Variants in PPP1R13B observed in about 807,000 individuals in gnomAD.
PPP1R13B encodes apoptosis-stimulating of p53 protein 1.
In PPP1R13B, 44 loss-of-function variants were observed where a neutral mutation model predicts 119.8. The ratio of observed to expected loss-of-function variants is 0.37; its 90% CI spans 0.29 to 0.47. PPP1R13B has a LOEUF of 0.47. PPP1R13B is among the 20% of genes least tolerant of loss of function. The pLI is 0.99. For synonymous variants in PPP1R13B, 542 were observed against 561.5 expected, an observed-to-expected ratio of 0.97 and a Z score of 0.49; for missense variants, 1,227 against 1,413.5, an observed-to-expected ratio of 0.87 and a Z score of 2.12.
intron 1 of PPP1R13B, among the ~76,000 whole-genome samples, chr14:103,822,180 G>A (rs1468269316): frequency 6.6e-6 from 1 of 151,948 alleles, no homozygotes; most frequent in Non-Finnish European, 1.5e-5. Flanking sequence ...TGTCGCCCAG[G>A]CTGGGGTGCA....
rs779435504 is a variant in PPP1R13B at position 103,736,062 on chromosome 14, C to G, written c.3172G>C (p.Glu1058Gln). The change falls in exon 16 of 17, where the codon GAG becomes CAG. Residue 1058 changes from glutamate to glutamine, a missense_variant. Physicochemically the swap from Glu to Gln is conservative, Grantham distance 29 (BLOSUM62 2). Coordinates refer to ENST00000202556, the MANE Select transcript of PPP1R13B (RefSeq NM_015316.3). ...ILRRKDESET[E>Q]WWWARLGDRE... ...TCTCCAAGGCGAGCCCACCACCACTCAGTCTCGCTTTCGTCCTTGCGCCTC... is the reference window on the plus strand; with the variant it reads ...TCTCCAAGGCGAGCCCACCACCACTGAGTCTCGCTTTCGTCCTTGCGCCTC... 3 of 1,614,252 alleles carry G rather than the reference C, an allele frequency of 1.9e-6. No individual in the cohort carries two copies. Among genetic ancestry groups the G allele is most frequent in the Non-Finnish European group, 2.5e-6 (3 of 1,180,052 alleles).
rs182561031 is a variant in PPP1R13B, at chr14:103,739,041, C to A, written c.2593-18G>T. On this transcript the variant is annotated intron_variant, in intron 12 of 16. Coordinates refer to ENST00000202556, the MANE Select transcript of PPP1R13B (RefSeq NM_015316.3). ...CGCTTGTTCTGTTGGGAAGGAAGCACGCTTTCCAGTTAAAGGTGGTCCACT... is the reference window on the plus strand; with the variant it reads ...CGCTTGTTCTGTTGGGAAGGAAGCAAGCTTTCCAGTTAAAGGTGGTCCACT... 1 of 1,606,628 alleles carries A rather than the reference C, an allele frequency of 6.2e-7. No homozygotes were observed. The highest frequency in any genetic ancestry group is 1.7e-5 in the Admixed American group (1 of 59,434).
In PPP1R13B at chr14:103,756,883, C is replaced by A. The variant is rs1038023831; in HGVS notation, c.456+767G>T. Among the ~76,000 whole-genome samples, 46 of 152,032 alleles carry A rather than the reference C, an allele frequency of 3.0e-4. 1 individual carries two copies. The highest frequency in any genetic ancestry group is 6.5e-4 in the Non-Finnish European group (44 of 67,962). On this transcript the variant is annotated intron_variant, in intron 5 of 16. Coordinates refer to ENST00000202556, the MANE Select transcript of PPP1R13B (RefSeq NM_015316.3). ...ACACCATTCTCCCGCCTGAGCCTCC[C>A]GAGTAGCTGGGACTACAGGCGCCCG...
intron 1 of PPP1R13B, among the ~76,000 whole-genome samples, chr14:103,801,354 T>C (rs2085896160): frequency 6.6e-6 from 1 of 152,136 alleles, no homozygotes; most frequent in African/African-American, 2.4e-5. Context: ...CTCATGAGGC[T>C]TGGATTTCTA....
chr14:103,746,456 C>A lies in PPP1R13B; in HGVS notation c.1067G>T (p.Gly356Val). The A allele has an allele frequency of 6.2e-7, 1 of 1,614,138 alleles. No individual in the cohort carries two copies. Among genetic ancestry groups the A allele is most frequent in the Non-Finnish European group, 8.5e-7 (1 of 1,179,994 alleles). The change falls in exon 9 of 17, where the codon GGA becomes GTA. Residue 356 changes from glycine (G) to valine (V), a missense_variant. Transcript: ENST00000202556. ...VGPYIQVPSA[G>V]SFPVLGDPIK... ...AGGGTCCCCCAGCACAGGAAAGCTT[C>A]CGGCACTGGGAACCTGGATATAAGG...
intron 3 of PPP1R13B, among the ~76,000 whole-genome samples, 175 bp downstream of exon 3, chr14:103,784,620 C>A (rs1322918294): frequency 5.0e-5 from 7 of 139,202 alleles, no homozygotes; most frequent in Non-Finnish European, 9.2e-5. Context: ...AAAAAAGTGC[C>A]GTAATGGTAA....
intron 1 of PPP1R13B, among the ~76,000 whole-genome samples, chr14:103,824,201 A>G (rs1295555377): frequency 1.3e-5 from 2 of 150,556 alleles, no homozygotes; most frequent in African/African-American, 2.4e-5. Context: ...GCGTGCAACC[A>G]CGCCCAGCTA....
chr14:103,833,415 G>A (rs547565731), intron 1 of PPP1R13B, among the ~76,000 whole-genome samples: 359 of 152,170 alleles, frequency 2.4e-3, no homozygotes, highest in Non-Finnish European at 4.2e-3. Context: ...AGGCCGAGGC[G>A]AGTGGATCAC....
chr14:103,739,212 A>C, intron 12 of PPP1R13B, 189 bp from the exon 13 acceptor site: 4 of 684,400 alleles, frequency 5.8e-6, no homozygotes, highest in Non-Finnish European at 2.4e-6. Context: ...TCTGCTCACT[A>C]CAAGGGAGAG....
At chr14:103,754,586 A>AAAAC (rs2084630301) in intron 5 of PPP1R13B, among the ~76,000 whole-genome samples, 1 of 149,402 alleles carries the variant, frequency 6.7e-6, no homozygotes, top group Admixed American at 6.6e-5. Context: ...AAAAAAAAAA[A>AAAAC]TTGAAACTTA....
At chr14:103,797,599 ACCCACCC>A in intron 1 of PPP1R13B, 81 bp from the exon 2 acceptor site, 1 of 771,238 alleles carries the variant, frequency 1.3e-6, no homozygotes, top group Non-Finnish European at 1.9e-6. Context: ...TGATCCCTCT[ACCCACCC>A]CCCGCCCCCA....
chr14:103,802,656 C>T (rs975981322), intron 1 of PPP1R13B, among the ~76,000 whole-genome samples: 3 of 152,218 alleles, frequency 2.0e-5, no homozygotes, highest in East Asian at 1.9e-4. Context: ...TGCTCTGAAA[C>T]GCGGAATTCT....
intron 1 of PPP1R13B, among the ~76,000 whole-genome samples, chr14:103,829,860 C>T (rs1337181152): frequency 2.6e-5 from 4 of 152,142 alleles, no homozygotes; most frequent in African/African-American, 9.7e-5. Context: ...CTCACTGCAA[C>T]CTCCACCTCC....
rs561312000 is a variant in PPP1R13B, at chr14:103,734,896, T to G, written c.*258A>C. The G allele has an allele frequency of 4.7e-5, 28 of 601,874 alleles. No individual in the cohort carries two copies. In the African/African-American group the frequency reaches 5.1e-4, roughly 11 times the overall value. 37.3% of individuals were successfully genotyped at this position (601,874 alleles called of 1,614,324 possible). ...TTAATGGCAAGAGGGGTGGGTGTTT[T>G]GAAAGTGGGTATTTATTTGGATTTA... On this transcript the variant is annotated 3_prime_UTR_variant, in exon 17 of 17. Coordinates refer to ENST00000202556, the MANE Select transcript of PPP1R13B (RefSeq NM_015316.3).
intron 1 of PPP1R13B, among the ~76,000 whole-genome samples, chr14:103,824,171 G>A (rs898683825): frequency 1.2e-4 from 18 of 145,834 alleles, no homozygotes; most frequent in Non-Finnish European, 1.6e-4. Flanking sequence ...TCAGCCTCCC[G>A]AGTAGCTGGG....
intron 1 of PPP1R13B, among the ~76,000 whole-genome samples, chr14:103,836,743 C>G (rs1207572032): frequency 1.4e-5 from 2 of 148,042 alleles, no homozygotes; most frequent in Admixed American, 1.4e-4. Flanking sequence ...GCACTCCAGC[C>G]TGGGCAACAG....
At position 103,847,287 on chromosome 14, in the gene PPP1R13B, G is replaced by A. The variant is rs1437100394; in HGVS notation, c.9+12C>T. ...AGGAAGCCGCCGCCACCTCCCGCCC[G>A]CCCTCACCCACCGGCATCATCGCGG... is the stretch of plus-strand genomic sequence containing the variant. On this transcript the variant is annotated intron_variant, in intron 1 of 16. Transcript: ENST00000202556. 12 of 488,000 alleles carry A rather than the reference G, an allele frequency of 2.5e-5. No individual in the cohort carries two copies. The highest frequency in any genetic ancestry group is 3.4e-5 in the Non-Finnish European group (11 of 322,162). 30.2% of individuals were successfully genotyped at this position (488,000 alleles called of 1,614,324 possible). A position where few individuals can be genotyped will look rare whatever the true frequency, so the allele number is the denominator to read the frequency against.
At chr14:103,759,583 G>A (rs920039270) in intron 4 of PPP1R13B, among the ~76,000 whole-genome samples, 2 of 151,958 alleles carry the variant, frequency 1.3e-5, no homozygotes, top group African/African-American at 4.8e-5. Flanking sequence ...TGGGATTACA[G>A]GTGTAAGCCA....
intron 1 of PPP1R13B, among the ~76,000 whole-genome samples, chr14:103,823,105 G>T (rs181453946): frequency 3.9e-5 from 6 of 152,202 alleles, no homozygotes; most frequent in Admixed American, 3.9e-4. Context: ...TTGGGAGGCT[G>T]AGGCAGGCAG....
Sources: allele counts gnomAD v4.1 joint callset (sites outside exome capture counted in the v4.1 genomes callset), GRCh38; gene constraint gnomAD v4.1.1; transcripts MANE v1.5; gene names NCBI Gene and HGNC (gene_info 2026-07-23, HGNC 2026-07-21).